The following SMC5 variants were observed in gnomAD, a reference collection of about 807,000 sequenced individuals.
SMC5 encodes structural maintenance of chromosomes protein 5.
SMC5 carries 88 observed loss-of-function variants against 148.3 expected under a neutral mutation model. The observed-to-expected ratio is 0.59, with a 90% CI of 0.50 to 0.71. The LOEUF (loss-of-function observed/expected upper bound fraction) is 0.71, where lower values mean the gene tolerates loss of function less well. Among genes scored for constraint, SMC5 ranks in the 30% least tolerant of loss-of-function variants. The pLI, the probability that SMC5 is intolerant of heterozygous loss-of-function variation, is 0.00. For missense variants in SMC5, 1,142 were observed against 1,298.9 expected, an observed-to-expected ratio of 0.88 and a Z score of 1.86; for synonymous variants, 421 against 432.8, an observed-to-expected ratio of 0.97 and a Z score of 0.34.
At chr9:70,292,664 A>G (rs1229624382) in intron 8 of SMC5, among the ~76,000 whole-genome samples, 1 of 152,164 alleles carries the variant, frequency 6.6e-6, no homozygotes, top group Non-Finnish European at 1.5e-5. Context: ...GCTCTGTCAG[A>G]TTCAGGAAAT....
rs779121856 is a variant in SMC5, at chr9:70,286,185, G to T, written c.982-15G>T. The stretch of plus-strand genomic sequence containing the variant: ...TAACTAGCTGTCCCCCCCTCTCCCC[G>T]GTTTAATTTTACAGGCAACAGATAT... On this transcript the variant is annotated splice_polypyrimidine_tract_variant and intron_variant, in intron 7 of 24. Coordinates refer to ENST00000361138, the MANE Select transcript of SMC5 (RefSeq NM_015110.4). 19 of 1,108,642 alleles carry T rather than the reference G, an allele frequency of 1.7e-5. No individual in the cohort carries two copies. The Admixed American group carries it at 2.3e-4, about 13-fold the overall frequency. 68.7% of individuals were successfully genotyped at this position (1,108,642 alleles called of 1,614,324 possible).
At chr9:70,303,245 A>C (rs1285527137) in intron 10 of SMC5, among the ~76,000 whole-genome samples, 1 of 151,856 alleles carries the variant, frequency 6.6e-6, no homozygotes, top group East Asian at 1.9e-4. Context: ...AGAAAAAAAA[A>C]AACAATACAG....
chr9:70,352,186 T>TA lies in SMC5; in HGVS notation c.3166-4dup, dbSNP rs778177069. The TA allele has an allele frequency of 2.5e-6, 4 of 1,606,142 alleles. No individual in the cohort carries two copies. The highest frequency in any genetic ancestry group is 2.2e-5 in the East Asian group (1 of 44,864). On this transcript the variant is annotated splice_polypyrimidine_tract_variant and splice_region_variant and intron_variant, in intron 24 of 24. Transcript: ENST00000361138. The stretch of plus-strand genomic sequence containing the variant: ...TTATATGACAATTTGTTTTAATACT[T>TA]ACAGCTCCTGCAAAATCTTCCTTAT...
In SMC5 at chr9:70,347,669, A is replaced by G. The variant is rs766117205; in HGVS notation, c.2721A>G (p.Leu907=). The G allele has an allele frequency of 3.1e-6, 5 of 1,587,854 alleles. No homozygotes were observed. The highest frequency in any genetic ancestry group is 4.3e-6 in the Non-Finnish European group (5 of 1,171,488). The change falls in exon 21 of 25, where the codon CTA becomes CTG. Residue 907 remains leucine, a synonymous_variant. Coordinates refer to ENST00000361138, the MANE Select transcript of SMC5 (RefSeq NM_015110.4). Reference sequence around the variant, plus strand: ...AAATAGAACAGTTAACTGAGGAACTAAAGGGAAAGAAAGTTGAACTAGATC... The same window carrying G: ...AAATAGAACAGTTAACTGAGGAACTGAAGGGAAAGAAAGTTGAACTAGATC... The part of the protein sequence containing the change: ...EEEIEQLTEE[L]KGKKVELDQY...
At chr9:70,313,037 G>T (rs777080158) in intron 11 of SMC5, among the ~76,000 whole-genome samples, 72 of 152,046 alleles carry the variant, frequency 4.7e-4, no homozygotes, top group Non-Finnish European at 8.5e-4. Context: ...TTCTTCATTA[G>T]AATTTTTATA....
At chr9:70,337,450 GTTTTTTTTTTTTTTT>G (rs201218742) in intron 17 of SMC5, among the ~76,000 whole-genome samples, 73,306 of 122,550 alleles carry the variant, frequency 0.6, 21,091 homozygotes, top group Admixed American at 0.69. Context: ...TTTGGGATTT[GTTTTTTTTTTTTTTT>G]TTTTTTTTTG....
At chr9:70,303,287 C>A (rs1207741689) in intron 10 of SMC5, among the ~76,000 whole-genome samples, 2 of 150,974 alleles carry the variant, frequency 1.3e-5, no homozygotes, top group African/African-American at 4.8e-5. Context: ...GAGCTAAGTC[C>A]TAGACTGGCT....
At chr9:70,296,852 A>G (rs1381050649) in intron 8 of SMC5, among the ~76,000 whole-genome samples, 1 of 152,234 alleles carries the variant, frequency 6.6e-6, no homozygotes, top group Non-Finnish European at 1.5e-5. Flanking sequence ...AGTTTTGATA[A>G]AAATTTCACT....
At chr9:70,328,666 G>A (rs1326758057) in intron 17 of SMC5, among the ~76,000 whole-genome samples, 1 of 152,186 alleles carries the variant, frequency 6.6e-6, no homozygotes, top group Non-Finnish European at 1.5e-5. Context: ...CAAGCTGTCA[G>A]TGGATCTACC....
chr9:70,288,318 C>T (rs922359372), intron 8 of SMC5, among the ~76,000 whole-genome samples: 6 of 152,080 alleles, frequency 3.9e-5, no homozygotes, highest in African/African-American at 1.4e-4. Flanking sequence ...ATTTAATACT[C>T]TTGGATCAGT....
At chr9:70,291,626 G>A (rs1162673972) in intron 8 of SMC5, among the ~76,000 whole-genome samples, 1 of 152,140 alleles carries the variant, frequency 6.6e-6, no homozygotes, top group Non-Finnish European at 1.5e-5. Flanking sequence ...TGCTGTAACT[G>A]TTATCTGCTT....
chr9:70,339,428 CA>C (rs796734731), intron 17 of SMC5, among the ~76,000 whole-genome samples: 1,586 of 76,580 alleles, frequency 0.021, 20 homozygotes, highest in African/African-American at 0.059. Flanking sequence ...GACTCCGTCT[CA>C]AAAAAAAAAA....
At chr9:70,266,525 T>C (rs1290275870) in intron 2 of SMC5, among the ~76,000 whole-genome samples, 2 of 152,210 alleles carry the variant, frequency 1.3e-5, no homozygotes, top group Non-Finnish European at 2.9e-5. Flanking sequence ...TAGGACTGAA[T>C]TGGCTATAAC....
chr9:70,298,395 G>A (rs975141089), intron 9 of SMC5, among the ~76,000 whole-genome samples, 174 bp downstream of exon 9: 1 of 152,052 alleles, frequency 6.6e-6, no homozygotes, highest in African/African-American at 2.4e-5. Flanking sequence ...GTCGTGTACT[G>A]TAATTTGCCA....
At chr9:70,348,215 G>T (rs919956930) in intron 22 of SMC5, among the ~76,000 whole-genome samples, 177 bp downstream of exon 22, 2 of 151,920 alleles carry the variant, frequency 1.3e-5, no homozygotes, top group East Asian at 1.9e-4. Context: ...ACTTTTTTTG[G>T]GGGGGGTTAT....
Position 70,259,089 on chromosome 9 carries a change from C to T in SMC5, c.11C>T (p.Pro4Leu), listed in dbSNP as rs573569022. The change falls in exon 1 of 25, where the codon CCG (proline) becomes CTG (leucine). Residue 4 changes from proline to leucine, a missense_variant. Physicochemically the swap from Pro to Leu is moderately conservative, Grantham distance 98. Transcript: ENST00000361138. MAT[P>L]SKKTSTPSPQ... ...GCTGAGGAAGCCAGGATGGCGACTC[C>T]GAGCAAGAAGACGTCAACTCCAAGC... is the stretch of plus-strand genomic sequence containing the variant. The T allele has an allele frequency of 1.2e-5, 19 of 1,605,914 alleles. No individual in the cohort carries two copies. Among genetic ancestry groups the T allele is most frequent in the Non-Finnish European group, 1.5e-5 (18 of 1,175,512 alleles).
chr9:70,306,121 A>G (rs117549594), intron 11 of SMC5, among the ~76,000 whole-genome samples: 1,539 of 152,308 alleles, frequency 0.01, 31 homozygotes, highest in South Asian at 0.069. Flanking sequence ...TATATATGAC[A>G]TTCTTATATA....
chr9:70,343,078 G>A (rs1400668710), intron 17 of SMC5, among the ~76,000 whole-genome samples: 1 of 151,912 alleles, frequency 6.6e-6, no homozygotes, highest in African/African-American at 2.4e-5. Context: ...AAGCAGACAG[G>A]GATCTGAATC....
chr9:70,307,874 G>C lies in SMC5; in HGVS notation c.1578+2514G>C, dbSNP rs541447630. Among the ~76,000 whole-genome samples, 3 of 152,264 alleles carry C rather than the reference G, an allele frequency of 2.0e-5. No homozygotes were observed. The South Asian group carries it at 6.2e-4, about 32-fold the overall frequency. ...TGAGACCATTTTCAGGTTGACTCCTGTGTCATTTTGATATGTTGCCATTGT... is the reference window on the plus strand; with the variant it reads ...TGAGACCATTTTCAGGTTGACTCCTCTGTCATTTTGATATGTTGCCATTGT... On this transcript the variant is annotated intron_variant, in intron 11 of 24. Coordinates refer to ENST00000361138, the MANE Select transcript of SMC5 (RefSeq NM_015110.4).
Sources: gnomAD v4.1 joint callset for allele counts (sites outside exome capture counted in the v4.1 genomes callset) on GRCh38, gnomAD v4.1.1 for gene constraint, MANE v1.5 for transcripts, NCBI Gene and HGNC (gene_info 2026-07-23, HGNC 2026-07-21) for gene names.